TLE3: variants seen among roughly 807,000 people sequenced by gnomAD.
TLE3 encodes TLE family member 3, transcriptional corepressor.
In TLE3, 14 loss-of-function variants were observed where a neutral mutation model predicts 93.0. The ratio of observed to expected loss-of-function variants is 0.15; its 90% CI spans 0.10 to 0.24. TLE3 has a LOEUF of 0.24. Ranked by LOEUF, TLE3 falls within the 10% of genes least tolerant of loss-of-function variation. TLE3 has a pLI of 1.00. For missense variants in TLE3, 693 were observed against 1,046.6 expected, an observed-to-expected ratio of 0.66 and a Z score of 4.66; for synonymous variants, 451 against 425.0, an observed-to-expected ratio of 1.06 and a Z score of -0.75.
Position 70,058,724 on chromosome 15 carries a change from C to CTGG in TLE3, c.854_856dup (p.Thr285dup). 6.2e-7 allele frequency: 1 copy of CTGG among 1,610,026 alleles called. No individual in the cohort carries two copies. On this transcript the variant is annotated inframe_insertion, in exon 11 of 20. Transcript: ENST00000451782. The surrounding 1 kb of genome is among the most constrained non-coding windows in gnomAD (Gnocchi z 4.1). The stretch of plus-strand genomic sequence containing the variant: ...ACTGGAAGAGGCCACCGAGGCAGGG[C>CTGG]TGGTGGGGGCATCTTTTTTCAGGCT...
chr15:70,064,875 T>A (rs1238410624), intron 7 of TLE3, among the ~76,000 whole-genome samples: 2 of 140,508 alleles, frequency 1.4e-5, no homozygotes, highest in African/African-American at 2.7e-5. Context: ...AAAATACCAG[T>A]AGGACCTGGG....
In TLE3 at chr15:70,097,062, T is replaced by G; in HGVS notation, c.-264A>C. ...GGCGCGGGCTTTGTGCGCCTAGGGCTCGGCGGGCAGCGGCCGGCCGCCTTC... is the reference window on the plus strand; with the variant it reads ...GGCGCGGGCTTTGTGCGCCTAGGGCGCGGCGGGCAGCGGCCGGCCGCCTTC... On this transcript the variant is annotated 5_prime_UTR_variant, in exon 1 of 20. Transcript: ENST00000451782. 1 of 494,902 alleles carries G rather than the reference T, an allele frequency of 2.0e-6. No individual in the cohort carries two copies. The highest frequency in any genetic ancestry group is 3.5e-6 in the Non-Finnish European group (1 of 288,428). The allele number at this position is 494,902 out of a possible 1,614,324, so 30.7% of individuals were successfully genotyped here. A position where few individuals can be genotyped will look rare whatever the true frequency, so the allele number is the denominator to read the frequency against.
chr15:70,057,573 G>A lies in TLE3; in HGVS notation c.1137C>T (p.Ser379=), dbSNP rs1326890886. The A allele has an allele frequency of 1.2e-6, 2 of 1,600,866 alleles. No individual in the cohort carries two copies. The highest frequency in any genetic ancestry group is 1.7e-5 in the Admixed American group (1 of 57,796). The part of the protein sequence containing the change: ...AMMSHHEMNG[S]LTSPGAYAGL... ...CGGCGTAGGCGCCAGGACTGGTGAG[G>A]GAGCCGTTCATCTCATGGTGGCTCA... Residue 379 remains serine (S), a synonymous_variant, in exon 13 of 20, where the codon TCC becomes TCT. Transcript: ENST00000451782.
At chr15:70,090,825 A>T (rs966862531) in intron 4 of TLE3, among the ~76,000 whole-genome samples, 1 of 152,204 alleles carries the variant, frequency 6.6e-6, no homozygotes, top group Non-Finnish European at 1.5e-5. Context: ...TCAAAACAGG[A>T]CTGTGGACAA....
chr15:70,076,002 G>A (rs903181391), intron 5 of TLE3, 94 bp downstream of exon 5: 10 of 1,163,378 alleles, frequency 8.6e-6, no homozygotes, highest in Non-Finnish European at 1.1e-5. Context: ...GGCTGAGGCT[G>A]GGGCTGGGGC....
chr15:70,077,524 T>C (rs890781435), intron 4 of TLE3, among the ~76,000 whole-genome samples: 1 of 152,174 alleles, frequency 6.6e-6, no homozygotes, highest in African/African-American at 2.4e-5. Flanking sequence ...CTCGGGAGAA[T>C]TCCTTGGGCT....
chr15:70,082,616 C>T (rs951960147), intron 4 of TLE3, among the ~76,000 whole-genome samples: 24 of 152,156 alleles, frequency 1.6e-4, no homozygotes, highest in African/African-American at 5.8e-4. Context: ...ATATTTATGC[C>T]CTCCGAGGAA....
intron 9 of TLE3, among the ~76,000 whole-genome samples, 156 bp downstream of exon 9, chr15:70,060,374 C>T (rs1454216792): frequency 6.6e-6 from 1 of 152,194 alleles, no homozygotes; most frequent in African/African-American, 2.4e-5. Context: ...GCCCTGTTCC[C>T]ACCCTGCTCT....
rs1156301503 is a variant in TLE3, at chr15:70,097,813, C to A, written c.-1015G>T. On this transcript the variant is annotated 5_prime_UTR_variant, in exon 1 of 20. Transcript: ENST00000451782. ...ACACGCGCGCACGCACACACACACACACCAAAAAAAAAAGTGCCCCGGACC... is the reference window on the plus strand; with the variant it reads ...ACACGCGCGCACGCACACACACACAAACCAAAAAAAAAAGTGCCCCGGACC... 2 of 176,306 alleles carry A rather than the reference C, an allele frequency of 1.1e-5. No individual in the cohort carries two copies. Among genetic ancestry groups the A allele is most frequent in the African/African-American group, 1.5e-4 (1 of 6,880 alleles). 10.9% of individuals were successfully genotyped at this position (176,306 alleles called of 1,614,324 possible).
intron 4 of TLE3, among the ~76,000 whole-genome samples, chr15:70,086,064 T>C (rs918985245): frequency 6.6e-6 from 1 of 152,162 alleles, no homozygotes; most frequent in Admixed American, 6.5e-5. Flanking sequence ...CCCCTGCTCC[T>C]CCTTCCTCTA....
intron 5 of TLE3, among the ~76,000 whole-genome samples, chr15:70,075,323 A>G (rs532408488): frequency 6.6e-6 from 1 of 152,258 alleles, no homozygotes; most frequent in Non-Finnish European, 1.5e-5. Flanking sequence ...TTAAAAAAAT[A>G]AAGTCTATTT....
intron 8 of TLE3, among the ~76,000 whole-genome samples, chr15:70,063,242 A>C (rs2141598171): frequency 6.6e-6 from 1 of 152,382 alleles, no homozygotes; most frequent in South Asian, 2.1e-4. Flanking sequence ...ACCAGACCTC[A>C]GCCTTAAAAT....
intron 4 of TLE3, among the ~76,000 whole-genome samples, chr15:70,089,228 A>G (rs542096011): frequency 4.1e-4 from 62 of 152,134 alleles, no homozygotes; most frequent in African/African-American, 1.4e-3. Flanking sequence ...CTCACCCAAG[A>G]AGAATAAGCT....
At chr15:70,073,377 T>C (rs910949986) in intron 6 of TLE3, among the ~76,000 whole-genome samples, 9 of 152,164 alleles carry the variant, frequency 5.9e-5, no homozygotes, top group Non-Finnish European at 1.2e-4. Context: ...AGAGTCATCA[T>C]GTATCCTACC....
chr15:70,073,663 C>T (rs2057297293), intron 6 of TLE3, among the ~76,000 whole-genome samples: 1 of 152,230 alleles, frequency 6.6e-6, no homozygotes, highest in Non-Finnish European at 1.5e-5. Context: ...AGCAGTGATC[C>T]TGTCCACCCT....
intron 4 of TLE3, among the ~76,000 whole-genome samples, chr15:70,092,927 T>A (rs1290091600): frequency 6.6e-6 from 1 of 152,076 alleles, no homozygotes; most frequent in Non-Finnish European, 1.5e-5. Flanking sequence ...ATTACCCTCT[T>A]TAAACACACC....
intron 1 of TLE3, 30 bp from the exon 2 acceptor site, chr15:70,096,291 G>A: frequency 6.5e-7 from 1 of 1,549,946 alleles, no homozygotes; most frequent in Non-Finnish European, 8.7e-7. Context: ...GACAGGGGAG[G>A]GGGCGGGGGC....
rs1327438923 is a variant in TLE3 at position 70,095,656 on chromosome 15, G to A, written c.126-15C>T. The A allele has an allele frequency of 1.3e-6, 2 of 1,551,210 alleles. No homozygotes were observed. The highest frequency in any genetic ancestry group is 2.0e-5 in the Admixed American group (1 of 50,970). ...CCACTTTGAGGCTGCGAGGGCAGGAGGAGCCGGCTCAGGCGTGGCGCCTGG... is the reference window on the plus strand; with the variant it reads ...CCACTTTGAGGCTGCGAGGGCAGGAAGAGCCGGCTCAGGCGTGGCGCCTGG... On this transcript the variant is annotated splice_polypyrimidine_tract_variant and intron_variant, in intron 2 of 19. Coordinates refer to ENST00000451782, the MANE Select transcript of TLE3 (RefSeq NM_001105192.3).
chr15:70,072,726 A>G (rs1053247485), intron 6 of TLE3, among the ~76,000 whole-genome samples: 1 of 152,320 alleles, frequency 6.6e-6, no homozygotes, highest in Non-Finnish European at 1.5e-5. Context: ...TTTGCCTCCT[A>G]TGAATATCAG....
Sources: allele counts gnomAD v4.1 joint callset (sites outside exome capture counted in the v4.1 genomes callset), GRCh38; gene constraint gnomAD v4.1.1; non-coding constraint Gnocchi (gnomAD v3.1); transcripts MANE v1.5; gene names NCBI Gene and HGNC (gene_info 2026-07-23, HGNC 2026-07-21).